The following TTLL5 variants were observed in gnomAD, a reference collection of about 807,000 sequenced individuals.
The protein encoded by TTLL5 is tubulin tyrosine ligase like 5.
Under a neutral mutation model 168.4 loss-of-function variants are expected in TTLL5, and 132 were observed. That is an observed-to-expected ratio of 0.78 (90% CI 0.68 to 0.91). The LOEUF (loss-of-function observed/expected upper bound fraction) is 0.91. Among genes scored for constraint, TTLL5 ranks in the 40% least tolerant of loss-of-function variants. TTLL5 has a pLI of 0.00. For synonymous variants in TTLL5, 546 were observed against 558.6 expected, an observed-to-expected ratio of 0.98 and a Z score of 0.32; for missense variants, 1,545 against 1,581.5, an observed-to-expected ratio of 0.98 and a Z score of 0.39.
At chr14:75,921,215 A>G (rs2033813779) in intron 31 of TTLL5, among the ~76,000 whole-genome samples, 2 of 152,174 alleles carry the variant, frequency 1.3e-5, no homozygotes, top group Non-Finnish European at 2.9e-5. Flanking sequence ...GACATGCAGA[A>G]GCTCTTTAGT....
At chr14:75,662,372 T>G (rs1183994057) in intron 1 of TTLL5, among the ~76,000 whole-genome samples, 4 of 151,746 alleles carry the variant, frequency 2.6e-5, no homozygotes, top group African/African-American at 9.7e-5. Flanking sequence ...TTGCCCAGGC[T>G]GGAGTGCAAT....
At chr14:75,873,752 T>A (rs776132116) in intron 29 of TTLL5, among the ~76,000 whole-genome samples, 2 of 152,228 alleles carry the variant, frequency 1.3e-5, no homozygotes, top group African/African-American at 2.4e-5. Flanking sequence ...ACATCTTGGC[T>A]ATTGTGAATA....
intron 29 of TTLL5, among the ~76,000 whole-genome samples, chr14:75,875,540 CAA>C (rs200542849): frequency 2.4e-5 from 3 of 126,568 alleles, no homozygotes; most frequent in Non-Finnish European, 3.4e-5. Context: ...GACTCCATCT[CAA>C]AAAAAAAAAA....
intron 27 of TTLL5, among the ~76,000 whole-genome samples, chr14:75,798,766 A>G (rs1893128465): frequency 6.6e-6 from 1 of 152,080 alleles, no homozygotes; most frequent in Non-Finnish European, 1.5e-5. Context: ...ATGTACTTGC[A>G]TGGTGTTGAG....
intron 27 of TTLL5, among the ~76,000 whole-genome samples, chr14:75,814,865 C>A (rs1186362660): frequency 3.3e-5 from 5 of 152,156 alleles, no homozygotes; most frequent in Admixed American, 6.5e-5. Flanking sequence ...AAATCCAGTT[C>A]CTCAGTCATA....
intron 27 of TTLL5, among the ~76,000 whole-genome samples, chr14:75,817,608 T>G (rs557953255): frequency 1.3e-5 from 2 of 152,098 alleles, no homozygotes; most frequent in Non-Finnish European, 2.9e-5. Flanking sequence ...AAATCATAAT[T>G]CTCTCATTTG....
At chr14:75,943,511 C>T (rs2034676480) in intron 31 of TTLL5, among the ~76,000 whole-genome samples, 1 of 151,924 alleles carries the variant, frequency 6.6e-6, no homozygotes, top group African/African-American at 2.4e-5. Flanking sequence ...TAAGCTTGGG[C>T]ATGAATTCAC....
chr14:75,867,297 G>C (rs532319271), intron 29 of TTLL5, among the ~76,000 whole-genome samples: 1 of 152,238 alleles, frequency 6.6e-6, no homozygotes, highest in African/African-American at 2.4e-5. Flanking sequence ...CATTTGAAGG[G>C]CTTGTTAAAA....
At chr14:75,906,090 C>T (rs1279112497) in intron 31 of TTLL5, among the ~76,000 whole-genome samples, 1 of 152,192 alleles carries the variant, frequency 6.6e-6, no homozygotes, top group Non-Finnish European at 1.5e-5. Context: ...CTGCCCACTT[C>T]GTTGGGTCCC....
chr14:75,755,452 C>T (rs1261488785), intron 18 of TTLL5, among the ~76,000 whole-genome samples: 1 of 151,932 alleles, frequency 6.6e-6, no homozygotes, highest in Non-Finnish European at 1.5e-5. Flanking sequence ...TTGGAATGGC[C>T]TTCAATCCAT....
chr14:75,716,405 T>C (rs1315426076), intron 9 of TTLL5, among the ~76,000 whole-genome samples: 1 of 152,192 alleles, frequency 6.6e-6, no homozygotes, highest in Admixed American at 6.5e-5. Flanking sequence ...TTCTTTTCAC[T>C]ATTCTTTCTT....
chr14:75,943,381 C>T (rs941066752), intron 31 of TTLL5, among the ~76,000 whole-genome samples: 35 of 152,200 alleles, frequency 2.3e-4, no homozygotes, highest in Admixed American at 7.9e-4. Context: ...CCCTCCCTCT[C>T]GTCCACCCTT....
chr14:75,709,207 A>G (rs75687551), intron 9 of TTLL5: 8,141 of 762,308 alleles, frequency 0.011, 350 homozygotes, highest in Admixed American at 0.085. Context: ...GGGAAATACC[A>G]TGGATAAAAG....
chr14:75,707,588 G>T (rs1594901828), intron 8 of TTLL5, 35 bp from the exon 9 acceptor site: 1 of 1,486,140 alleles, frequency 6.7e-7, no homozygotes, highest in South Asian at 1.2e-5. Context: ...AATGAACTTA[G>T]TTTTTTTTTG....
intron 27 of TTLL5, among the ~76,000 whole-genome samples, chr14:75,807,774 C>T (rs998646975): frequency 6.6e-6 from 1 of 152,298 alleles, no homozygotes; most frequent in Admixed American, 6.5e-5. Flanking sequence ...ACGAAAGTGA[C>T]CGAACTTCAC....
chr14:75,926,106 G>T (rs1433424667), intron 31 of TTLL5, among the ~76,000 whole-genome samples: 1 of 148,618 alleles, frequency 6.7e-6, no homozygotes, highest in Non-Finnish European at 1.5e-5. Context: ...GAGGGAGAGG[G>T]AGAGGGAGAA....
At chr14:75,904,072 C>G (rs773596539) in intron 31 of TTLL5, 7 of 1,216,780 alleles carry the variant, frequency 5.8e-6, no homozygotes, top group Middle Eastern at 2.3e-4. Flanking sequence ...CCACTCCCTG[C>G]TCATGCCCCA....
At chr14:75,911,658 A>G (rs1345917078) in intron 31 of TTLL5, among the ~76,000 whole-genome samples, 1 of 152,178 alleles carries the variant, frequency 6.6e-6, no homozygotes, top group East Asian at 1.9e-4. Flanking sequence ...AGCCCAAATG[A>G]AGATATTTTG....
intron 31 of TTLL5, among the ~76,000 whole-genome samples, chr14:75,902,813 A>T (rs1566653210): frequency 6.6e-6 from 1 of 152,248 alleles, no homozygotes; most frequent in Non-Finnish European, 1.5e-5. Flanking sequence ...AATAAAAATG[A>T]ACTATTAAGT....
Sources: allele counts gnomAD v4.1 joint callset (sites outside exome capture counted in the v4.1 genomes callset), GRCh38; gene constraint gnomAD v4.1.1; transcripts MANE v1.5; gene names NCBI Gene and HGNC (gene_info 2026-07-23, HGNC 2026-07-21).